SHPRH: variants seen among roughly 807,000 people sequenced by gnomAD.
The protein encoded by SHPRH is E3 ubiquitin-protein ligase SHPRH.
A neutral mutation model predicts 202.5 loss-of-function variants in SHPRH; 106 were observed. The ratio of observed to expected loss-of-function variants is 0.52; its 90% CI spans 0.45 to 0.62. The LOEUF (loss-of-function observed/expected upper bound fraction) is 0.62, where lower values mean the gene tolerates loss of function less well. SHPRH is among the 20% of genes least tolerant of loss of function. SHPRH has a pLI of 0.00. For synonymous variants in SHPRH, 729 were observed against 686.0 expected (o/e 1.06, Z -0.98); for missense variants, 1,710 against 2,020.0 (o/e 0.85, Z 2.94).
rs1396491860 is a variant in SHPRH at position 145,903,455 on chromosome 6, TATAAG to T, written c.4515+6988_4515+6992del. 13 of 152,166 alleles carry T rather than the reference TATAAG, an allele frequency of 8.5e-5. No individual in the cohort carries two copies. In the East Asian group the frequency reaches 2.1e-3, roughly 25 times the overall value. The allele number at this position is 152,166 out of a possible 1,614,324, so 9.4% of individuals were successfully genotyped here. ...AGTTTTTTTCTCTACAAAAAGGCTGTATAAGATATCTCTATTATCAAGAGATATGC... is the reference window on the plus strand; with the variant it reads ...AGTTTTTTTCTCTACAAAAAGGCTGTATATCTCTATTATCAAGAGATATGC... On this transcript the variant is annotated intron_variant, in intron 25 of 29. Coordinates refer to ENST00000275233, the MANE Select transcript of SHPRH (RefSeq NM_001042683.3).
At chr6:145,943,093 G>A in intron 9 of SHPRH, 50 bp downstream of exon 9, 1 of 1,509,548 alleles carries the variant, frequency 6.6e-7, no homozygotes, top group Non-Finnish European at 8.9e-7. Flanking sequence ...CTATCATGAA[G>A]AAGCAAAACT....
At chr6:145,954,657 G>A (rs1390519421) in intron 2 of SHPRH, 33 bp downstream of exon 2, 1 of 1,533,042 alleles carries the variant, frequency 6.5e-7, no homozygotes, top group Non-Finnish European at 8.7e-7. Flanking sequence ...ATGTAGAAGA[G>A]CCTCAAAAAA....
At chr6:145,961,118 C>A (rs1405740742) in intron 1 of SHPRH, among the ~76,000 whole-genome samples, 1 of 152,144 alleles carries the variant, frequency 6.6e-6, no homozygotes, top group Non-Finnish European at 1.5e-5. Context: ...CGGACTGGCA[C>A]CGGTCCATGG....
intron 25 of SHPRH, chr6:145,904,390 T>C (rs1782763432): frequency 6.6e-6 from 1 of 152,096 alleles, no homozygotes; most frequent in African/African-American, 2.4e-5. Flanking sequence ...TTGGAACTAG[T>C]AGTTTCTAAA....
At chr6:145,882,278 AGTGCCTCTTACAGAG>A (rs1341041067), downstream of SHPRH, among the ~76,000 whole-genome samples, 5 of 152,182 alleles carry the variant, frequency 3.3e-5, no homozygotes, top group African/African-American at 1.2e-4. Context: ...AAAAGACAGA[AGTGCCTCTTACAGAG>A]GTGTAAAGTA....
chr6:145,939,659 C>G lies in SHPRH; in HGVS notation c.2569+1064G>C, dbSNP rs182401215. Among the ~76,000 whole-genome samples, 26 of 152,176 alleles carry G rather than the reference C, an allele frequency of 1.7e-4. No homozygotes were observed. The East Asian group carries it at 5.0e-3, about 29-fold the overall frequency. On this transcript the variant is annotated intron_variant, in intron 11 of 29. Coordinates refer to ENST00000275233, the MANE Select transcript of SHPRH (RefSeq NM_001042683.3). ...TAAACATTTACAATTTCGACAGTTT[C>G]CAAACATGAAAGGAGACCACTAAAT...
intron 25 of SHPRH, among the ~76,000 whole-genome samples, chr6:145,901,382 T>A (rs796828389): frequency 6.6e-5 from 10 of 152,236 alleles, no homozygotes; most frequent in African/African-American, 2.4e-4. Context: ...GAGAAGACTA[T>A]TCAATGTAGT....
intron 25 of SHPRH, among the ~76,000 whole-genome samples, chr6:145,902,048 T>C (rs1275939982): frequency 6.6e-6 from 1 of 152,100 alleles, no homozygotes; most frequent in Non-Finnish European, 1.5e-5. Context: ...AAGGCTGTTA[T>C]CTCTCCTGGT....
intron 7 of SHPRH, among the ~76,000 whole-genome samples, chr6:145,945,898 A>C (rs1396694040): frequency 1.3e-5 from 2 of 152,144 alleles, no homozygotes; most frequent in African/African-American, 4.8e-5. Context: ...ATTCAAAATT[A>C]TAAAAGAAAA....
chr6:145,915,483 A>T (rs1359407491), intron 23 of SHPRH, among the ~76,000 whole-genome samples: 1 of 151,894 alleles, frequency 6.6e-6, no homozygotes, highest in African/African-American at 2.4e-5. Context: ...CTGGAGATGA[A>T]TTCTTCCAGT....
In SHPRH at chr6:145,954,898, C is replaced by G; in HGVS notation, c.425G>C (p.Ser142Thr). ...NFSERSITLMSSESSNQFLIY... is the reference protein window; with the variant it reads ...NFSERSITLMTSESSNQFLIY... ...CAGGAACTGATTGCTTGACTCTGAACTCATCAATGTAATACTCCTTTCGGA... is the reference window on the plus strand; with the variant it reads ...CAGGAACTGATTGCTTGACTCTGAAGTCATCAATGTAATACTCCTTTCGGA... The change falls in exon 2 of 30, where the codon AGT becomes ACT. Residue 142 changes from serine (S) to threonine (T), a missense_variant. Physicochemically the swap from Ser to Thr is moderately conservative, Grantham distance 58. Transcript: ENST00000275233. The G allele has an allele frequency of 1.2e-6, 2 of 1,613,740 alleles. No homozygotes were observed. Among genetic ancestry groups the G allele is most frequent in the Non-Finnish European group, 8.5e-7 (1 of 1,179,878 alleles).
intron 2 of SHPRH, among the ~76,000 whole-genome samples, chr6:145,878,844 G>A (rs1422545896): frequency 6.6e-6 from 1 of 152,112 alleles, no homozygotes; most frequent in African/African-American, 2.4e-5. Context: ...CAGATTTATA[G>A]GACTCCAAAA....
In SHPRH at chr6:145,884,892, T is replaced by A. The variant is rs1398068519; in HGVS notation, c.*1799A>T. 1 of 152,162 alleles carries A rather than the reference T, an allele frequency of 6.6e-6. No individual in the cohort carries two copies. Among genetic ancestry groups the A allele is most frequent in the Non-Finnish European group, 1.5e-5 (1 of 68,020 alleles). The allele number at this position is 152,162 out of a possible 1,614,324, so 9.4% of individuals were successfully genotyped here. On this transcript the variant is annotated 3_prime_UTR_variant, in exon 30 of 30. Coordinates refer to ENST00000275233, the MANE Select transcript of SHPRH (RefSeq NM_001042683.3). ...TTTTGTCTAATACAGATAGGTTTTT[T>A]TATATATATGTAATTTGATTTTACA...
At chr6:145,932,954 G>A in intron 14 of SHPRH, 103 bp downstream of exon 14, 3 of 1,255,978 alleles carry the variant, frequency 2.4e-6, no homozygotes, top group Non-Finnish European at 3.2e-6. Context: ...GTATCTTTTT[G>A]GGGGAAAAAT....
intron 13 of SHPRH, 30 bp downstream of exon 13, chr6:145,934,877 C>T: frequency 6.3e-7 from 1 of 1,576,700 alleles, no homozygotes. Context: ...GATATACCAA[C>T]TGCAATTAAA....
At position 145,948,283 on chromosome 6, in the gene SHPRH, T is replaced by A. The variant is rs762715170; in HGVS notation, c.1050A>T (p.Pro350=). The change falls in exon 5 of 30, where the codon CCA becomes CCT. Residue 350 remains proline (P), a synonymous_variant. Transcript: ENST00000275233. Reference sequence around the variant, plus strand: ...AAATTTTGCCTTACCAGCCTGTATATGGATTATAGTAGAGTTTCAGACCCT... The same window carrying A: ...AAATTTTGCCTTACCAGCCTGTATAAGGATTATAGTAGAGTTTCAGACCCT... ...TSEGLKLYYN[P]YTGCIIREYP... The A allele has an allele frequency of 6.3e-7, 1 of 1,594,796 alleles. No individual in the cohort carries two copies. The highest frequency in any genetic ancestry group is 1.7e-5 in the Admixed American group (1 of 58,476).
rs553584271 is a variant in SHPRH at position 145,875,207 on chromosome 6, CTTGAT to C, written c.222-10721_222-10717del. On this transcript the variant is annotated intron_variant, in intron 2 of 2. Coordinates refer to the SHPRH transcript ENST00000417762. The stretch of plus-strand genomic sequence containing the variant: ...TCTTCCTTGGCTTATGCCAGTGGTT[CTTGAT>C]TTAAGCCCCAGGAGATATTGGAAAT... 4.4e-4 allele frequency among the ~76,000 whole-genome samples: 67 copies of C among 152,288 alleles called. 2 individuals are homozygous for C. In the South Asian group the frequency reaches 0.014, roughly 32 times the overall value.
Position 145,904,626 on chromosome 6 carries a change from G to A in SHPRH, c.4515+5822C>T, listed in dbSNP as rs75422441. The A allele has an allele frequency of 4.2e-3, 639 of 152,400 alleles. 17 individuals are homozygous for A. In the East Asian group the frequency reaches 0.071, roughly 17 times the overall value. The allele number at this position is 152,400 out of a possible 1,614,324, so 9.4% of individuals were successfully genotyped here. ...CAGGAAGCACAAGGCAAATGTGGCA[G>A]ACACAAATGGTAACAGAAAAAGCAG... On this transcript the variant is annotated intron_variant, in intron 25 of 29. Transcript: ENST00000275233.
At chr6:145,931,939 T>C (rs1271395917) in intron 14 of SHPRH, among the ~76,000 whole-genome samples, 1 of 151,928 alleles carries the variant, frequency 6.6e-6, no homozygotes, top group East Asian at 1.9e-4. Context: ...TATTAGGCCA[T>C]GTGAAGTTGT....
Sources: gnomAD v4.1 joint callset for allele counts (sites outside exome capture counted in the v4.1 genomes callset) on GRCh38, gnomAD v4.1.1 for gene constraint, MANE v1.5 for transcripts, NCBI Gene and HGNC (gene_info 2026-07-23, HGNC 2026-07-21) for gene names.